Variants in MYOC observed in about 807,000 individuals in gnomAD.
MYOC encodes the protein juvenile-onset open-angle glaucoma 1.
A neutral mutation model predicts 28.2 loss-of-function variants in MYOC; 29 were observed. That is an observed-to-expected ratio of 1.03 (90% CI 0.77 to 1.40). MYOC has a LOEUF of 1.40. Among genes scored for constraint, MYOC ranks in the 40% most tolerant of loss-of-function variants. The probability of loss-of-function intolerance (pLI) is 0.00; values close to 1 mark genes in which losing one functional copy is unlikely to be tolerated. For missense variants in MYOC, 569 were observed against 620.6 expected, an observed-to-expected ratio of 0.92 and a Z score of 0.88; for synonymous variants, 240 against 245.6, an observed-to-expected ratio of 0.98 and a Z score of 0.21.
chr1:171,640,555 G>A (rs1462585187), intron 1 of MYOC, among the ~76,000 whole-genome samples: 1 of 152,124 alleles, frequency 6.6e-6, no homozygotes, highest in African/African-American at 2.4e-5. Flanking sequence ...GCAACATGGT[G>A]AAATCCCATC....
chr1:171,646,854 T>C (rs1572215036), intron 1 of MYOC, among the ~76,000 whole-genome samples: 1 of 152,202 alleles, frequency 6.6e-6, no homozygotes, highest in Non-Finnish European at 1.5e-5. Context: ...TAAAGGTTCA[T>C]GTCTATTACA....
At position 171,636,686 on chromosome 1, in the gene MYOC, C is replaced by T. The variant is rs74315341; in HGVS notation, c.754G>A (p.Gly252Arg). The T allele has an allele frequency of 1.2e-6, 2 of 1,602,820 alleles. No homozygotes were observed. Among genetic ancestry groups the T allele is most frequent in the Non-Finnish European group, 1.7e-6 (2 of 1,179,958 alleles). Residue 252 changes from glycine (G) to arginine (R), a missense_variant, in exon 3 of 3, where the codon GGA (glycine) becomes AGA (arginine). Physicochemically the swap from Gly to Arg is moderately radical, Grantham distance 125. Coordinates refer to ENST00000037502, the MANE Select transcript of MYOC (RefSeq NM_000261.2). ...GCTGTTCTCAGCGTGAGAGGCTCTC[C>T]TACCCAAACTAGTTCTCCACATCCT... ...DTGCGELVWV[G>R]EPLTLRTAET...
intron 1 of MYOC, among the ~76,000 whole-genome samples, chr1:171,640,575 A>G (rs1354697849): frequency 6.6e-6 from 1 of 152,100 alleles, no homozygotes; most frequent in Non-Finnish European, 1.5e-5. Context: ...CTCTACAAAA[A>G]CTACAAAAAG....
chr1:171,646,717 G>A (rs182546961), intron 1 of MYOC, among the ~76,000 whole-genome samples: 14,260 of 151,962 alleles, frequency 0.094, 678 homozygotes, highest in East Asian at 0.21. Flanking sequence ...GGCTGGTCAC[G>A]AACTCCTGAC....
chr1:171,640,312 A>T (rs1009213015), intron 1 of MYOC, among the ~76,000 whole-genome samples: 36 of 152,130 alleles, frequency 2.4e-4, no homozygotes, highest in Admixed American at 2.2e-3. Flanking sequence ...GCGGGTGGGC[A>T]GCATTGGTTA....
In MYOC at chr1:171,636,021, G is replaced by A. The variant is rs774417217; in HGVS notation, c.1419C>T (p.Tyr473=). 1 of 1,614,226 alleles carries A rather than the reference G, an allele frequency of 6.2e-7. No individual in the cohort carries two copies. Among genetic ancestry groups the A allele is most frequent in the Non-Finnish European group, 8.5e-7 (1 of 1,180,052 alleles). The change falls in exon 3 of 3, where the codon TAC becomes TAT. Residue 473 remains tyrosine (Y), a synonymous_variant. Transcript: ENST00000037502. ...GGGGGTTGTAGTCAATCATGCTGCTGTACTTATAGCGGTTCTTGAATGGGA... is the reference window on the plus strand; with the variant it reads ...GGGGGTTGTAGTCAATCATGCTGCTATACTTATAGCGGTTCTTGAATGGGA... ...LTIPFKNRYK[Y]SSMIDYNPLE...
At chr1:171,647,269 T>C (rs1028981165) in intron 1 of MYOC, among the ~76,000 whole-genome samples, 3 of 152,234 alleles carry the variant, frequency 2.0e-5, no homozygotes, top group African/African-American at 7.2e-5. Flanking sequence ...CTCATGCCTG[T>C]AATCCCAGCA....
At chr1:171,647,268 G>T (rs1653227218) in intron 1 of MYOC, among the ~76,000 whole-genome samples, 1 of 152,214 alleles carries the variant, frequency 6.6e-6, no homozygotes, top group Non-Finnish European at 1.5e-5. Context: ...GCTCATGCCT[G>T]TAATCCCAGC....
At chr1:171,637,490 C>T (rs1017230743) in intron 2 of MYOC, among the ~76,000 whole-genome samples, 1 of 152,194 alleles carries the variant, frequency 6.6e-6, no homozygotes, top group African/African-American at 2.4e-5. Flanking sequence ...TCTCAGCCTC[C>T]TGAGTTGCTG....
In MYOC at chr1:171,652,586, C is replaced by A; in HGVS notation, c.26G>T (p.Cys9Phe). ...AGCTGGCATCTCAGGCCCAAAGCTG[C>A]AGCAACGTGCACAGAAGAACCTCAT... MRFFCARC[C>F]SFGPEMPAVQ... Residue 9 changes from cysteine (C) to phenylalanine (F), a missense_variant, in exon 1 of 3, where the codon TGC becomes TTC. Cys to Phe is a radical substitution (Grantham distance 205). Transcript: ENST00000037502. 6.2e-7 allele frequency: 1 copy of A among 1,614,210 alleles called. No homozygotes were observed. Among genetic ancestry groups the A allele is most frequent in the Non-Finnish European group, 8.5e-7 (1 of 1,180,046 alleles).
chr1:171,652,481 C>T lies in MYOC; in HGVS notation c.131G>A (p.Ser44Asn). 2 of 1,614,242 alleles carry T rather than the reference C, an allele frequency of 1.2e-6. 1 individual carries two copies. Residue 44 changes from serine to asparagine, a missense_variant, in exon 1 of 3, where the codon AGT (serine) becomes AAT (asparagine). Physicochemically the swap from Ser to Asn is conservative, Grantham distance 46 (BLOSUM62 1). Coordinates refer to ENST00000037502, the MANE Select transcript of MYOC (RefSeq NM_000261.2). ...ACTGAAGGTATACTGGCATCGGCCA[C>T]TCTGGTCATTGGCCTTCCTGAGCTG... ...TAQLRKANDQSGRCQYTFSVA... is the reference protein window; with the variant it reads ...TAQLRKANDQNGRCQYTFSVA...
At chr1:171,637,398 G>A (rs1316879439) in intron 2 of MYOC, among the ~76,000 whole-genome samples, 1 of 152,092 alleles carries the variant, frequency 6.6e-6, no homozygotes, top group Non-Finnish European at 1.5e-5. Flanking sequence ...ACAGGGTCTT[G>A]CACTGTTACC....
intron 2 of MYOC, among the ~76,000 whole-genome samples, chr1:171,638,274 G>C (rs975286169): frequency 6.6e-6 from 1 of 152,184 alleles, no homozygotes; most frequent in Admixed American, 6.5e-5. Flanking sequence ...AACTTCTCAA[G>C]TATATCTAAT....
chr1:171,638,479 C>T (rs1169915225), intron 2 of MYOC, 118 bp downstream of exon 2: 4 of 1,178,176 alleles, frequency 3.4e-6, no homozygotes, highest in Non-Finnish European at 5.0e-6. Flanking sequence ...CCCTCTGCTC[C>T]CAGGGAAGTT....
intron 1 of MYOC, among the ~76,000 whole-genome samples, chr1:171,649,916 C>T (rs1653312885): frequency 6.6e-6 from 1 of 152,200 alleles, no homozygotes; most frequent in Admixed American, 6.5e-5. Context: ...GTTTCCATAT[C>T]TGCAAAAATC....
At position 171,652,086 on chromosome 1, in the gene MYOC, C is replaced by T; in HGVS notation, c.526G>A (p.Glu176Lys). Residue 176 changes from glutamate (E) to lysine (K), a missense_variant, in exon 1 of 3, where the codon GAG becomes AAG. Transcript: ENST00000037502. ...TGGCCCCTTCTCAGCCTTGCTACCTCCTGGCTGCTGCTTTCCAACCTCCTG... is the reference window on the plus strand; with the variant it reads ...TGGCCCCTTCTCAGCCTTGCTACCTTCTGGCTGCTGCTTTCCAACCTCCTG... ...LARRLESSSQEVARLRRGQCP... is the reference protein window; with the variant it reads ...LARRLESSSQKVARLRRGQCP... The T allele has an allele frequency of 1.2e-6, 2 of 1,614,148 alleles. No homozygotes were observed. Among genetic ancestry groups the T allele is most frequent in the Non-Finnish European group, 1.7e-6 (2 of 1,179,964 alleles).
chr1:171,646,025 G>C (rs755755456), intron 1 of MYOC, among the ~76,000 whole-genome samples: 2 of 152,254 alleles, frequency 1.3e-5, no homozygotes, highest in African/African-American at 4.8e-5. Flanking sequence ...AGGGGCGATG[G>C]TTAAGTTATG....
chr1:171,645,992 G>T (rs235878), intron 1 of MYOC, among the ~76,000 whole-genome samples: 115,663 of 152,228 alleles, frequency 0.76, 44,323 homozygotes, highest in East Asian at 0.86. Context: ...CCAGGATGAC[G>T]GCAAGGCCAG....
intron 1 of MYOC, among the ~76,000 whole-genome samples, chr1:171,650,788 T>C (rs1476206970): frequency 2.6e-5 from 4 of 152,224 alleles, no homozygotes; most frequent in Non-Finnish European, 5.9e-5. Flanking sequence ...CAGTTATTAA[T>C]ATTTTGCCAC....
Sources: gnomAD v4.1 joint callset for allele counts (sites outside exome capture counted in the v4.1 genomes callset) on GRCh38, gnomAD v4.1.1 for gene constraint, MANE v1.5 for transcripts, NCBI Gene and HGNC (gene_info 2026-07-23, HGNC 2026-07-21) for gene names.